Variants in KCNH8 observed in about 807,000 individuals in gnomAD.
The protein encoded by KCNH8 is potassium voltage-gated channel subfamily H member 8, also known as voltage-gated delayed rectifier potassium channel KCNH8.
A neutral mutation model predicts 103.6 loss-of-function variants in KCNH8; 70 were observed. The ratio of observed to expected loss-of-function variants is 0.68; its 90% CI spans 0.56 to 0.82. The LOEUF (loss-of-function observed/expected upper bound fraction) is 0.82, where lower values mean the gene tolerates loss of function less well. KCNH8 is among the 40% of genes least tolerant of loss of function. KCNH8 has a pLI of 0.00. For missense variants in KCNH8, 1,217 were observed against 1,329.9 expected, an observed-to-expected ratio of 0.92 and a Z score of 1.32; for synonymous variants, 498 against 489.4, an observed-to-expected ratio of 1.02 and a Z score of -0.23.
rs151313099 is a variant in KCNH8, at chr3:19,527,867, G to C, written c.2620-5528G>C. Among the ~76,000 whole-genome samples, 627 of 152,228 alleles carry C rather than the reference G, an allele frequency of 4.1e-3. 4 individuals are homozygous for C. Among genetic ancestry groups the C allele is most frequent in the South Asian group, 0.018 (88 of 4,824 alleles). ...GATGCTGGGAGAATAGACAAGGGAA[G>C]AATCTTTAGGTGCTTCAAAGTTTTT... is the stretch of plus-strand genomic sequence containing the variant. On this transcript the variant is annotated intron_variant, in intron 15 of 15. Transcript: ENST00000328405.
intron 7 of KCNH8, among the ~76,000 whole-genome samples, chr3:19,410,323 T>C (rs1416589906): frequency 6.6e-6 from 1 of 152,068 alleles, no homozygotes; most frequent in Non-Finnish European, 1.5e-5. Context: ...AAGGCAGAAA[T>C]TTCAAAATTA....
intron 1 of KCNH8, among the ~76,000 whole-genome samples, chr3:19,235,967 G>A (rs11915695): frequency 0.061 from 9,351 of 152,232 alleles, 964 homozygotes; most frequent in African/African-American, 0.21. Context: ...TGTAGTTAGA[G>A]ATAATTTTTA....
At chr3:19,350,946 G>A (rs2065793347) in intron 5 of KCNH8, among the ~76,000 whole-genome samples, 1 of 152,008 alleles carries the variant, frequency 6.6e-6, no homozygotes, top group Admixed American at 6.6e-5. Context: ...CAAGCTAAAG[G>A]AGGATGTTTG....
chr3:19,510,534 G>A, intron 12 of KCNH8, 133 bp downstream of exon 12: 1 of 666,098 alleles, frequency 1.5e-6, no homozygotes, highest in Non-Finnish European at 2.7e-6. Flanking sequence ...AATAAGAGAT[G>A]TGGCAACTGA....
At chr3:19,510,332 A>G (rs1247233891) in intron 11 of KCNH8, 31 bp from the exon 12 acceptor site, 5 of 1,413,926 alleles carry the variant, frequency 3.5e-6, no homozygotes, top group Non-Finnish European at 5.0e-6. Flanking sequence ...AGGATATGTA[A>G]AATGATTAAT....
intron 7 of KCNH8, among the ~76,000 whole-genome samples, chr3:19,399,161 T>C (rs1269410900): frequency 6.6e-6 from 1 of 151,958 alleles, no homozygotes; most frequent in African/African-American, 2.4e-5. Context: ...AGGGTAAGAT[T>C]AAACACTGTA....
intron 1 of KCNH8, among the ~76,000 whole-genome samples, chr3:19,186,888 A>G (rs2125206694): frequency 6.6e-6 from 1 of 152,168 alleles, no homozygotes; most frequent in Non-Finnish European, 1.5e-5. Flanking sequence ...AAGGATTGTC[A>G]AACATTTTCT....
intron 15 of KCNH8, among the ~76,000 whole-genome samples, chr3:19,524,511 TATAA>T (rs1280379837): frequency 1.3e-5 from 2 of 151,948 alleles, no homozygotes; most frequent in African/African-American, 4.8e-5. Flanking sequence ...CTTAAGCCTG[TATAA>T]ATAGGCAGAT....
At chr3:19,255,614 A>G (rs2064336766) in intron 2 of KCNH8, among the ~76,000 whole-genome samples, 1 of 152,136 alleles carries the variant, frequency 6.6e-6, no homozygotes, top group Non-Finnish European at 1.5e-5. Flanking sequence ...TGTGTAACAA[A>G]CCTGCACATC....
At chr3:19,224,983 A>C (rs1042560761) in intron 1 of KCNH8, among the ~76,000 whole-genome samples, 1 of 152,146 alleles carries the variant, frequency 6.6e-6, no homozygotes, top group Admixed American at 6.5e-5. Flanking sequence ...AGGAAAGAAA[A>C]ACAGAGGCAA....
At chr3:19,497,477 A>T (rs780338602) in intron 11 of KCNH8, among the ~76,000 whole-genome samples, 7 of 152,100 alleles carry the variant, frequency 4.6e-5, no homozygotes, top group Non-Finnish European at 7.4e-5. Context: ...TAACTTTTTG[A>T]TTTCTGCCTT....
In KCNH8 at chr3:19,513,056, G is replaced by A. The variant is rs1292355867; in HGVS notation, c.2166G>A (p.Glu722=). Residue 722 remains glutamate, a synonymous_variant, in exon 13 of 16, where the codon GAG becomes GAA. Coordinates refer to ENST00000328405, the MANE Select transcript of KCNH8 (RefSeq NM_144633.3). ...AAGAGGAGGAGGAGGGGGAGGAAGAGGAGGCAGTCTCCCTCTCTCCCATCT... is the reference window on the plus strand; with the variant it reads ...AAGAGGAGGAGGAGGGGGAGGAAGAAGAGGCAGTCTCCCTCTCTCCCATCT... ...DEEEEEEGEE[E]EAVSLSPICT... The A allele has an allele frequency of 6.2e-7, 1 of 1,613,766 alleles. No homozygotes were observed. Among genetic ancestry groups the A allele is most frequent in the South Asian group, 1.1e-5 (1 of 91,080 alleles).
At chr3:19,345,437 T>A (rs964374639) in intron 4 of KCNH8, among the ~76,000 whole-genome samples, 46 of 152,182 alleles carry the variant, frequency 3.0e-4, no homozygotes, top group African/African-American at 1.1e-3. Context: ...TGGAGTTAAC[T>A]AGTATGTTTC....
chr3:19,290,364 G>A (rs949820383), intron 3 of KCNH8, among the ~76,000 whole-genome samples: 13 of 152,050 alleles, frequency 8.5e-5, no homozygotes, highest in African/African-American at 2.2e-4. Flanking sequence ...CCCATTCAGT[G>A]TGATATTGGC....
At chr3:19,337,496 A>G (rs573666731) in intron 3 of KCNH8, among the ~76,000 whole-genome samples, 9 of 151,962 alleles carry the variant, frequency 5.9e-5, no homozygotes, top group Non-Finnish European at 1.0e-4. Flanking sequence ...CTCCTCTTGT[A>G]TTTTACTCAT....
intron 8 of KCNH8, among the ~76,000 whole-genome samples, chr3:19,449,609 C>G (rs1182331088): frequency 1.3e-5 from 2 of 151,692 alleles, no homozygotes; most frequent in Non-Finnish European, 2.9e-5. Context: ...GACTAAAATT[C>G]CCACAAAGGC....
chr3:19,317,058 T>C (rs1373132834), intron 3 of KCNH8, among the ~76,000 whole-genome samples: 2 of 151,934 alleles, frequency 1.3e-5, no homozygotes, highest in African/African-American at 4.8e-5. Flanking sequence ...TCATAGATAA[T>C]CTGTTCTATT....
At chr3:19,515,925 T>TG (rs2068867064) in intron 14 of KCNH8, among the ~76,000 whole-genome samples, 1 of 152,014 alleles carries the variant, frequency 6.6e-6, no homozygotes, top group South Asian at 2.1e-4. Flanking sequence ...TAACCTTTAG[T>TG]GATGGTGAAT....
chr3:19,431,905 A>C (rs188646650), intron 7 of KCNH8, among the ~76,000 whole-genome samples: 1 of 151,820 alleles, frequency 6.6e-6, no homozygotes, highest in South Asian at 2.1e-4. Context: ...TTCTTTATTA[A>C]TCTAGCTAGT....
Sources: allele counts gnomAD v4.1 joint callset (sites outside exome capture counted in the v4.1 genomes callset), GRCh38; gene constraint gnomAD v4.1.1; transcripts MANE v1.5; gene names NCBI Gene and HGNC (gene_info 2026-07-23, HGNC 2026-07-21).